Variants in RB1 observed in about 807,000 individuals in gnomAD.
RB1 encodes retinoblastoma-associated protein.
Under a neutral mutation model 135.4 loss-of-function variants are expected in RB1, and 18 were observed. That is an observed-to-expected ratio of 0.13 (90% CI 0.09 to 0.20). The LOEUF (loss-of-function observed/expected upper bound fraction) is 0.20. RB1 is among the 10% of genes least tolerant of loss of function. The pLI is 1.00. For missense variants in RB1, 868 were observed against 1,110.0 expected (o/e 0.78, Z 3.10); for synonymous variants, 365 against 373.2 (o/e 0.98, Z 0.25).
intron 7 of RB1, chr13:48,360,593 A>C (rs1487469088): frequency 6.2e-6 from 1 of 162,250 alleles, no homozygotes; most frequent in African/African-American, 2.4e-5. Flanking sequence ...TTTTATTACT[A>C]TTGGATGTTG....
chr13:48,320,439 G>A, intron 2 of RB1: 1 of 994,128 alleles, frequency 1.0e-6, no homozygotes, highest in Non-Finnish European at 1.6e-6. Flanking sequence ...ATTTGGACTG[G>A]GGAGCAACCC....
chr13:48,377,116 T>C (rs934728305), intron 13 of RB1, 82 bp downstream of exon 13: 36 of 1,366,244 alleles, frequency 2.6e-5, no homozygotes, highest in Admixed American at 1.3e-4. Flanking sequence ...ATAAATACTC[T>C]AACAGTATTT....
At position 48,421,608 on chromosome 13, in the gene RB1, G is replaced by A. The variant is rs987540456; in HGVS notation, c.1696-31385G>A. 7.9e-5 allele frequency among the ~76,000 whole-genome samples: 12 copies of A among 151,738 alleles called. No homozygotes were observed. The South Asian group carries it at 1.0e-3, about 13-fold the overall frequency. ...CTACAGAATGGGAGAAAATTTTTGCGATCTATCCATCTGACAAAGGGCTAA... is the reference window on the plus strand; with the variant it reads ...CTACAGAATGGGAGAAAATTTTTGCAATCTATCCATCTGACAAAGGGCTAA... On this transcript the variant is annotated intron_variant, in intron 17 of 26. Transcript: ENST00000267163.
At chr13:48,474,147 A>G (rs951578977) in intron 24 of RB1, among the ~76,000 whole-genome samples, 1 of 151,886 alleles carries the variant, frequency 6.6e-6, no homozygotes, top group Non-Finnish European at 1.5e-5. Flanking sequence ...ATGTTTACCA[A>G]CTCCAAAGAT....
rs150103581 is a variant in RB1 at position 48,319,390 on chromosome 13, C to T, written c.264+11984C>T. 1,843 of 421,954 alleles carry T rather than the reference C, an allele frequency of 4.4e-3. 37 individuals are homozygous for T. Among genetic ancestry groups the T allele is most frequent in the African/African-American group, 0.034 (1,671 of 48,522 alleles). The allele number at this position is 421,954 out of a possible 1,614,324, so 26.1% of individuals were successfully genotyped here. ...TACACCTGGATGGCCTCCTCAGTGCCGTCGTTGCTGCTGGAGTCTGACGCC... is the reference window on the plus strand; with the variant it reads ...TACACCTGGATGGCCTCCTCAGTGCTGTCGTTGCTGCTGGAGTCTGACGCC... On this transcript the variant is annotated intron_variant, in intron 2 of 26. Coordinates refer to ENST00000267163, the MANE Select transcript of RB1 (RefSeq NM_000321.3). The surrounding 1 kb of genome is among the most constrained non-coding windows in gnomAD (Gnocchi z 5.0).
At chr13:48,393,853 T>C (rs2138164975) in intron 17 of RB1, among the ~76,000 whole-genome samples, 1 of 152,332 alleles carries the variant, frequency 6.6e-6, no homozygotes, top group Non-Finnish European at 1.5e-5. Context: ...TTGGATTCTG[T>C]CATACTCTTT....
At chr13:48,383,710 A>T (rs1013011408) in intron 17 of RB1, among the ~76,000 whole-genome samples, 1 of 152,068 alleles carries the variant, frequency 6.6e-6, no homozygotes, top group Non-Finnish European at 1.5e-5. Flanking sequence ...TATGGAATGA[A>T]TTTACACTTG....
At chr13:48,375,162 A>C (rs2138133805) in intron 12 of RB1, among the ~76,000 whole-genome samples, 1 of 152,294 alleles carries the variant, frequency 6.6e-6, no homozygotes, top group East Asian at 1.9e-4. Context: ...TGTGAATAGC[A>C]TACCAGTGAA....
intron 11 of RB1, among the ~76,000 whole-genome samples, chr13:48,369,444 T>C (rs1217356020): frequency 6.6e-6 from 1 of 152,208 alleles, no homozygotes; most frequent in Non-Finnish European, 1.5e-5. Context: ...ATATTCTCCA[T>C]AGAGCCCCCA....
At chr13:48,350,627 T>C (rs886512853) in intron 6 of RB1, among the ~76,000 whole-genome samples, 1 of 152,174 alleles carries the variant, frequency 6.6e-6, no homozygotes, top group Non-Finnish European at 1.5e-5. Context: ...GTTTGTTACA[T>C]AGGTAAACTT....
chr13:48,415,777 T>C (rs1436339508), intron 17 of RB1: 1 of 152,210 alleles, frequency 6.6e-6, no homozygotes, highest in Non-Finnish European at 1.5e-5. Context: ...TTGTTGCCAG[T>C]TGTTTCTACT....
intron 17 of RB1, chr13:48,389,694 C>G (rs2138156590): frequency 6.6e-6 from 1 of 152,318 alleles, no homozygotes. Flanking sequence ...GGGTCCACTT[C>G]CAAGATGCTT....
At chr13:48,316,571 A>C (rs1228904424) in intron 2 of RB1, among the ~76,000 whole-genome samples, 1 of 152,184 alleles carries the variant, frequency 6.6e-6, no homozygotes, top group African/African-American at 2.4e-5. Flanking sequence ...TATTTTTTAC[A>C]TCACTTTAAA....
chr13:48,399,717 G>C (rs917759763), intron 17 of RB1, among the ~76,000 whole-genome samples: 1 of 151,986 alleles, frequency 6.6e-6, no homozygotes, highest in Non-Finnish European at 1.5e-5. Flanking sequence ...ATGTAAGCCT[G>C]AGTTCTTCAT....
chr13:48,458,360 T>A (rs1232085868), intron 19 of RB1, among the ~76,000 whole-genome samples: 1 of 152,206 alleles, frequency 6.6e-6, no homozygotes, highest in Non-Finnish European at 1.5e-5. Flanking sequence ...CTAGTGCATA[T>A]CCACTTGGAG....
At chr13:48,350,222 A>G (rs1952535883) in intron 6 of RB1, among the ~76,000 whole-genome samples, 2 of 152,188 alleles carry the variant, frequency 1.3e-5, no homozygotes, top group African/African-American at 4.8e-5. Context: ...AGAACATTTC[A>G]TCCAAGAATA....
chr13:48,393,717 G>A (rs1057044676), intron 17 of RB1, among the ~76,000 whole-genome samples: 71 of 152,260 alleles, frequency 4.7e-4, no homozygotes, highest in African/African-American at 1.5e-3. Context: ...TACTGTTTCA[G>A]AGGGGTGCTT....
chr13:48,329,074 T>C, intron 2 of RB1, among the ~76,000 whole-genome samples: 1 of 152,180 alleles, frequency 6.6e-6, no homozygotes, highest in East Asian at 1.9e-4. Context: ...GTCTCTTATG[T>C]ATTCAACTAT....
chr13:48,345,148 G>C lies in RB1; in HGVS notation c.449G>C (p.Arg150Thr), dbSNP rs895447213. Residue 150 changes from arginine to threonine, a missense_variant, in exon 4 of 27, where the codon AGA (arginine) becomes ACA (threonine). Coordinates refer to ENST00000267163, the MANE Select transcript of RB1 (RefSeq NM_000321.3). ...TSTKVDNAMSRLLKKYDVLFA... is the reference protein window; with the variant it reads ...TSTKVDNAMSTLLKKYDVLFA... ...ACCAAAGTTGATAATGCTATGTCAAGACTGTTGAAGAAGTATGATGTATTG... is the reference window on the plus strand; with the variant it reads ...ACCAAAGTTGATAATGCTATGTCAACACTGTTGAAGAAGTATGATGTATTG... The C allele has an allele frequency of 1.2e-6, 2 of 1,612,794 alleles. No homozygotes were observed. Among genetic ancestry groups the C allele is most frequent in the Non-Finnish European group, 1.7e-6 (2 of 1,179,574 alleles).
Sources: allele counts gnomAD v4.1 joint callset (sites outside exome capture counted in the v4.1 genomes callset), GRCh38; gene constraint gnomAD v4.1.1; non-coding constraint Gnocchi (gnomAD v3.1); transcripts MANE v1.5; gene names NCBI Gene and HGNC (gene_info 2026-07-23, HGNC 2026-07-21).